XYLT1: variants seen among roughly 807,000 people sequenced by gnomAD.
XYLT1 encodes xylosyltransferase 1, also known as beta-D-xylosyltransferase 1.
Under a neutral mutation model 91.3 loss-of-function variants are expected in XYLT1, and 36 were observed. The observed-to-expected ratio is 0.39, with a 90% CI of 0.30 to 0.52. The LOEUF (loss-of-function observed/expected upper bound fraction) is 0.52. Among genes scored for constraint, XYLT1 ranks in the 20% least tolerant of loss-of-function variants. The pLI, the probability that XYLT1 is intolerant of heterozygous loss-of-function variation, is 0.68. For missense variants in XYLT1, 1,242 were observed against 1,284.5 expected (o/e 0.97, Z 0.51); for synonymous variants, 588 against 532.0 (o/e 1.11, Z -1.45).
intron 1 of XYLT1, 56 bp from the exon 2 acceptor site, chr16:17,358,106 C>A: frequency 6.6e-7 from 1 of 1,519,252 alleles, no homozygotes; most frequent in East Asian, 2.3e-5. Flanking sequence ...TAACTTACTA[C>A]CCCAGCATCT....
chr16:17,311,301 T>C (rs917051059), intron 2 of XYLT1, among the ~76,000 whole-genome samples: 1 of 152,158 alleles, frequency 6.6e-6, no homozygotes, highest in Non-Finnish European at 1.5e-5. Flanking sequence ...AGAACCTGCA[T>C]CTTAACTAGG....
intron 2 of XYLT1, among the ~76,000 whole-genome samples, chr16:17,286,244 C>T (rs1437664398): frequency 6.6e-6 from 1 of 152,092 alleles, no homozygotes; most frequent in Non-Finnish European, 1.5e-5. Flanking sequence ...TTCTCCACCA[C>T]ACTTACTTGA....
intron 8 of XYLT1, among the ~76,000 whole-genome samples, chr16:17,136,893 C>T (rs2030746323): frequency 1.3e-5 from 2 of 152,058 alleles, no homozygotes; most frequent in African/African-American, 4.8e-5. Context: ...GAGTGCAGGG[C>T]TCTGGGAATC....
chr16:17,197,760 G>C (rs928326102), intron 5 of XYLT1, among the ~76,000 whole-genome samples: 3 of 152,186 alleles, frequency 2.0e-5, no homozygotes, highest in African/African-American at 7.2e-5. Context: ...ACTGAAGACT[G>C]CACTGTGGGC....
intron 2 of XYLT1, among the ~76,000 whole-genome samples, chr16:17,272,988 G>A (rs576904041): frequency 1.3e-5 from 2 of 152,302 alleles, no homozygotes; most frequent in Non-Finnish European, 2.9e-5. Context: ...GGCAATGAGT[G>A]GGTGGGAGAA....
chr16:17,279,290 G>T (rs1451126261), intron 2 of XYLT1, among the ~76,000 whole-genome samples: 4 of 152,226 alleles, frequency 2.6e-5, no homozygotes, highest in African/African-American at 9.6e-5. Context: ...GTTGAAATGA[G>T]AATTAAGTCA....
At chr16:17,282,269 G>A (rs936346) in intron 2 of XYLT1, among the ~76,000 whole-genome samples, 1 of 151,802 alleles carries the variant, frequency 6.6e-6, no homozygotes, top group Non-Finnish European at 1.5e-5. Flanking sequence ...CCCAGCCCCC[G>A]ACTTCCCTAC....
At chr16:17,343,169 G>A (rs1254057675) in intron 2 of XYLT1, among the ~76,000 whole-genome samples, 1 of 152,116 alleles carries the variant, frequency 6.6e-6, no homozygotes, top group African/African-American at 2.4e-5. Context: ...TGCCAGCAAG[G>A]GTTGAACATG....
intron 10 of XYLT1, among the ~76,000 whole-genome samples, chr16:17,120,854 A>G (rs776383862): frequency 5.9e-5 from 9 of 152,320 alleles, no homozygotes; most frequent in African/African-American, 7.2e-5. Context: ...CCTATTGTCT[A>G]TTGATCGATC....
In XYLT1 at chr16:17,196,442, A is replaced by G. The variant is rs143083257; in HGVS notation, c.1289+1770T>C. Among the ~76,000 whole-genome samples, 983 of 152,338 alleles carry G rather than the reference A, an allele frequency of 6.5e-3. 12 individuals are homozygous for G. The highest frequency in any genetic ancestry group is 0.022 in the African/African-American group (926 of 41,580). On this transcript the variant is annotated intron_variant, in intron 5 of 11. Transcript: ENST00000261381. ...ATATTTATAGATACAATTCTGTGAT[A>G]TCTTATATTTCTTTCAAAATAACCC...
rs867246170 is a variant in XYLT1, at chr16:17,198,098, G to A, written c.1289+114C>T. ...TCAGGTCCAATCAGAATCCTATCCT[G>A]AGCGATCCTGTGGAGACTATGCATC... On this transcript the variant is annotated intron_variant, in intron 5 of 11. Coordinates refer to ENST00000261381, the MANE Select transcript of XYLT1 (RefSeq NM_022166.4). 60 of 1,088,362 alleles carry A rather than the reference G, an allele frequency of 5.5e-5. No individual in the cohort carries two copies. The Admixed American group carries it at 1.2e-3, about 21-fold the overall frequency. The allele number at this position is 1,088,362 out of a possible 1,614,324, so 67.4% of individuals were successfully genotyped here.
intron 1 of XYLT1, among the ~76,000 whole-genome samples, chr16:17,441,831 C>T (rs185193379): frequency 5.9e-5 from 9 of 152,244 alleles, no homozygotes; most frequent in African/African-American, 1.7e-4. Flanking sequence ...ACCCTCCACA[C>T]GTGACCCAAA....
intron 3 of XYLT1, among the ~76,000 whole-genome samples, chr16:17,223,625 T>C (rs1416685700): frequency 6.6e-6 from 1 of 152,176 alleles, no homozygotes; most frequent in Non-Finnish European, 1.5e-5. Context: ...ATAGTGGAGA[T>C]AGTGGAGTCA....
intron 2 of XYLT1, among the ~76,000 whole-genome samples, chr16:17,299,467 C>T (rs575175333): frequency 6.6e-6 from 1 of 152,218 alleles, no homozygotes; most frequent in Non-Finnish European, 1.5e-5. Context: ...TTGCCAAACA[C>T]CATTGAGTTT....
intron 11 of XYLT1, among the ~76,000 whole-genome samples, chr16:17,109,968 G>A (rs1031512180): frequency 2.0e-5 from 3 of 152,152 alleles, no homozygotes; most frequent in African/African-American, 7.2e-5. Flanking sequence ...GGGGTGGGAG[G>A]TCAAACTAGC....
chr16:17,383,937 AG>A (rs1348020874), intron 1 of XYLT1, among the ~76,000 whole-genome samples: 4 of 151,702 alleles, frequency 2.6e-5, no homozygotes, highest in African/African-American at 4.8e-5. Flanking sequence ...TAGTAGAGAC[AG>A]GGTTTCGCCA....
chr16:17,365,063 T>C (rs997608332), intron 1 of XYLT1, among the ~76,000 whole-genome samples: 3 of 152,220 alleles, frequency 2.0e-5, no homozygotes, highest in African/African-American at 7.2e-5. Flanking sequence ...AAGTGTCGGA[T>C]GCATGCGTGA....
At chr16:17,434,512 T>G (rs968204776) in intron 1 of XYLT1, among the ~76,000 whole-genome samples, 1 of 152,300 alleles carries the variant, frequency 6.6e-6, no homozygotes, top group East Asian at 1.9e-4. Context: ...CAGATCAGGC[T>G]TAGCAACCCT....
At chr16:17,157,583 T>G (rs1409159477) in intron 6 of XYLT1, among the ~76,000 whole-genome samples, 1 of 152,140 alleles carries the variant, frequency 6.6e-6, no homozygotes, top group South Asian at 2.1e-4. Flanking sequence ...GGGCTATTAA[T>G]TTTCAAATGA....
Sources: allele counts gnomAD v4.1 joint callset (sites outside exome capture counted in the v4.1 genomes callset), GRCh38; gene constraint gnomAD v4.1.1; transcripts MANE v1.5; gene names NCBI Gene and HGNC (gene_info 2026-07-23, HGNC 2026-07-21).